Variants in TOR1AIP2 observed in about 807,000 individuals in gnomAD.
The protein encoded by TOR1AIP2 is torsin 1A interacting protein 2, also known as torsin-1A-interacting protein 2.
A neutral mutation model predicts 32.6 loss-of-function variants in TOR1AIP2; 20 were observed. That is an observed-to-expected ratio of 0.61 (90% CI 0.43 to 0.89). TOR1AIP2 has a LOEUF of 0.89. Among genes scored for constraint, TOR1AIP2 ranks in the 40% least tolerant of loss-of-function variants. The pLI is 0.00. For missense variants in TOR1AIP2, 456 were observed against 553.8 expected, an observed-to-expected ratio of 0.82 and a Z score of 1.77; for synonymous variants, 214 against 210.8, an observed-to-expected ratio of 1.02 and a Z score of -0.13.
chr1:179,851,036 G>A lies in TOR1AIP2; in HGVS notation c.362C>T (p.Pro121Leu), dbSNP rs548916342. The A allele has an allele frequency of 1.1e-4, 170 of 1,614,180 alleles. 2 individuals are homozygous for A. The South Asian group carries it at 1.7e-3, about 16-fold the overall frequency. Reference sequence around the variant, plus strand: ...ATCTGCTCTTCCTACCTTGTCACTTGGAGAATGGCTGGGATCTGGATCCAA... The same window carrying A: ...ATCTGCTCTTCCTACCTTGTCACTTAGAGAATGGCTGGGATCTGGATCCAA... ...EPLDPDPSHS[P>L]SDKVGRADAH... Residue 121 changes from proline to leucine, a missense_variant, in exon 5 of 7, where the codon CCA (proline) becomes CTA (leucine). Pro to Leu is a moderately conservative substitution (Grantham distance 98). Coordinates refer to ENST00000609928, the MANE Select transcript of TOR1AIP2 (RefSeq NM_001199260.2).
chr1:179,867,471 T>C (rs748508957), intron 2 of TOR1AIP2: 1 of 152,218 alleles, frequency 6.6e-6, no homozygotes, highest in Non-Finnish European at 1.5e-5. Context: ...TCTCTAGTCA[T>C]GGTACAGAGA....
intron 2 of TOR1AIP2, among the ~76,000 whole-genome samples, chr1:179,873,519 T>C (rs978875499): frequency 6.6e-6 from 1 of 152,246 alleles, no homozygotes; most frequent in Non-Finnish European, 1.5e-5. Context: ...CTTGATCACT[T>C]TGTTAACATA....
At chr1:179,862,738 G>A in intron 3 of TOR1AIP2, 1 of 746,976 alleles carries the variant, frequency 1.3e-6, no homozygotes, top group Non-Finnish European at 1.6e-6. Flanking sequence ...GACCAGCCTG[G>A]CCAACATGGT....
chr1:179,851,004 A>G lies in TOR1AIP2; in HGVS notation c.394T>C (p.Leu132=). 6.2e-7 allele frequency: 1 copy of G among 1,614,190 alleles called. No homozygotes were observed. The highest frequency in any genetic ancestry group is 8.5e-7 in the Non-Finnish European group (1 of 1,180,020). Residue 132 remains leucine (L), a synonymous_variant, in exon 5 of 7, where the codon TTA becomes CTA. Coordinates refer to ENST00000609928, the MANE Select transcript of TOR1AIP2 (RefSeq NM_001199260.2). ...GGGAGGGCCACAGAGCTGCTCCCTAAGTGTGCATCTGCTCTTCCTACCTTG... is the reference window on the plus strand; with the variant it reads ...GGGAGGGCCACAGAGCTGCTCCCTAGGTGTGCATCTGCTCTTCCTACCTTG... ...SDKVGRADAH[L]GSSSVALPKE... is the part of the protein sequence containing the mutation.
chr1:179,846,560 C>A lies in TOR1AIP2; in HGVS notation c.924G>T (p.Leu308=). The part of the protein sequence containing the change: ...FTAAREGRET[L]KCLSHHVADA... ...CTGCAACATGGTGGCTCAGGCACTTCAGGGTCTCTCTTCCCTCCCGAGCTG... is the reference window on the plus strand; with the variant it reads ...CTGCAACATGGTGGCTCAGGCACTTAAGGGTCTCTCTTCCCTCCCGAGCTG... Residue 308 remains leucine (L), a synonymous_variant, in exon 7 of 7, where the codon CTG becomes CTT. Coordinates refer to ENST00000609928, the MANE Select transcript of TOR1AIP2 (RefSeq NM_001199260.2). The A allele has an allele frequency of 6.2e-7, 1 of 1,614,178 alleles. No homozygotes were observed. The highest frequency in any genetic ancestry group is 8.5e-7 in the Non-Finnish European group (1 of 1,180,034).
At position 179,841,369 on chromosome 1, in the gene TOR1AIP2, C is replaced by G. The variant is rs781012380; in HGVS notation, c.*4702G>C. On this transcript the variant is annotated 3_prime_UTR_variant, in exon 7 of 7. Coordinates refer to ENST00000609928, the MANE Select transcript of TOR1AIP2 (RefSeq NM_001199260.2). ...TGAAAAACACAAGAAGACAATGCTC[C>G]TATAAAATGATATATTATTGGCTTT... The G allele has an allele frequency of 1.3e-5, 2 of 152,196 alleles. No individual in the cohort carries two copies. Among genetic ancestry groups the G allele is most frequent in the Non-Finnish European group, 2.9e-5 (2 of 68,026 alleles). 9.4% of individuals were successfully genotyped at this position (152,196 alleles called of 1,614,324 possible).
intron 2 of TOR1AIP2, among the ~76,000 whole-genome samples, chr1:179,872,924 T>C (rs768671705): frequency 4.6e-5 from 7 of 152,240 alleles, no homozygotes; most frequent in Non-Finnish European, 1.0e-4. Flanking sequence ...TACAGAAAAG[T>C]TGCAAAAATA....
rs976165196 is a variant in TOR1AIP2, at chr1:179,851,441, T to C, written c.35-78A>G. 9.1e-6 allele frequency: 10 copies of C among 1,098,566 alleles called. No individual in the cohort carries two copies. The African/African-American group carries it at 1.4e-4, about 16-fold the overall frequency. 68.1% of individuals were successfully genotyped at this position (1,098,566 alleles called of 1,614,324 possible). A position where few individuals can be genotyped will look rare whatever the true frequency, so the allele number is the denominator to read the frequency against. ...ATATTTTAACAAGGTCCCTGTTTAA[T>C]AATAATATTTACATAGATTTTCATG... On this transcript the variant is annotated intron_variant, in intron 4 of 6. Coordinates refer to ENST00000609928, the MANE Select transcript of TOR1AIP2 (RefSeq NM_001199260.2).
chr1:179,860,978 C>A, intron 3 of TOR1AIP2: 1 of 985,492 alleles, frequency 1.0e-6, no homozygotes, highest in Non-Finnish European at 1.2e-6. Flanking sequence ...AGAGATGAAT[C>A]TTACCTCACT....
intron 2 of TOR1AIP2, chr1:179,875,881 T>G (rs1647273628): frequency 6.6e-6 from 1 of 152,212 alleles, no homozygotes; most frequent in Non-Finnish European, 1.5e-5. Context: ...CTGTGCAAAA[T>G]TTATGGTAAT....
chr1:179,864,809 A>C, intron 3 of TOR1AIP2: 3 of 1,602,822 alleles, frequency 1.9e-6, no homozygotes, highest in Non-Finnish European at 2.6e-6. Flanking sequence ...TTTTTTGTTT[A>C]AGGTTTTATC....
At chr1:179,861,841 A>C in intron 3 of TOR1AIP2, 1 of 958,514 alleles carries the variant, frequency 1.0e-6, no homozygotes, top group African/African-American at 1.8e-5. Context: ...GAATCTCCAA[A>C]GGTACTATTT....
intron 3 of TOR1AIP2, chr1:179,859,383 T>C (rs950146603): frequency 1.0e-6 from 1 of 983,242 alleles, no homozygotes; most frequent in Non-Finnish European, 1.2e-6. Flanking sequence ...TGAGGGCAGT[T>C]AGGATTTGAA....
intron 2 of TOR1AIP2, among the ~76,000 whole-genome samples, chr1:179,872,211 A>T (rs1443680239): frequency 6.6e-6 from 1 of 152,228 alleles, no homozygotes; most frequent in Non-Finnish European, 1.5e-5. Context: ...AAAGGAGAAC[A>T]ACTGGTTTGG....
intron 3 of TOR1AIP2, chr1:179,860,035 TG>T: frequency 1.4e-6 from 1 of 737,430 alleles, no homozygotes; most frequent in Non-Finnish European, 1.7e-6. Context: ...TTTGTAGAGT[TG>T]GGGGTCTCAC....
At position 179,841,199 on chromosome 1, in the gene TOR1AIP2, G is replaced by A. The variant is rs1419652834; in HGVS notation, c.*4872C>T. On this transcript the variant is annotated 3_prime_UTR_variant, in exon 7 of 7. Coordinates refer to ENST00000609928, the MANE Select transcript of TOR1AIP2 (RefSeq NM_001199260.2). The stretch of plus-strand genomic sequence containing the variant: ...AAGCATCAACTTTCCCATTGGACAA[G>A]TGATAGTGTTCAAGCTACTTGACTT... The A allele has an allele frequency of 6.6e-6, 1 of 152,152 alleles. No individual in the cohort carries two copies. The highest frequency in any genetic ancestry group is 1.5e-5 in the Non-Finnish European group (1 of 68,022). The allele number at this position is 152,152 out of a possible 1,614,324, so 9.4% of individuals were successfully genotyped here.
intron 3 of TOR1AIP2, chr1:179,864,606 T>C (rs1571688695): frequency 7.3e-7 from 1 of 1,379,144 alleles, no homozygotes; most frequent in African/African-American, 1.5e-5. Context: ...GCTGGAATAC[T>C]AACTAAATTC....
intron 3 of TOR1AIP2, chr1:179,860,129 G>A: frequency 6.1e-6 from 6 of 984,974 alleles, no homozygotes; most frequent in Non-Finnish European, 6.0e-6. Context: ...ATTACAGTGA[G>A]CCACCAGCCA....
In TOR1AIP2 at chr1:179,877,734, G is replaced by GGA. The variant is rs1163289753; in HGVS notation, c.-744_-743dup. Reference sequence around the variant, plus strand: ...TTAAATCGTAAAACTGTTAGTATCAGGAGAGCCCTTCGAGTATTCTCTCCG... The same window carrying GGA: ...TTAAATCGTAAAACTGTTAGTATCAGGAGAGAGCCCTTCGAGTATTCTCTCCG... On this transcript the variant is annotated 5_prime_UTR_variant, in exon 1 of 7. Transcript: ENST00000609928. 6.6e-6 allele frequency: 1 copy of GGA among 152,152 alleles called. No individual in the cohort carries two copies. The highest frequency in any genetic ancestry group is 2.4e-5 in the African/African-American group (1 of 41,448). 9.4% of individuals were successfully genotyped at this position (152,152 alleles called of 1,614,324 possible). A position where few individuals can be genotyped will look rare whatever the true frequency, so the allele number is the denominator to read the frequency against.
Sources: allele counts gnomAD v4.1 joint callset (sites outside exome capture counted in the v4.1 genomes callset), GRCh38; gene constraint gnomAD v4.1.1; transcripts MANE v1.5; gene names NCBI Gene and HGNC (gene_info 2026-07-23, HGNC 2026-07-21).